Variants in RAD51C observed in about 807,000 individuals in gnomAD.
RAD51C encodes the protein RAD51 paralog C, also known as DNA repair protein RAD51 homolog 3.
Under a neutral mutation model 45.0 loss-of-function variants are expected in RAD51C, and 42 were observed. The observed-to-expected ratio is 0.93, with a 90% confidence interval of 0.73 to 1.21. RAD51C has a LOEUF of 1.21. Ranked by LOEUF, RAD51C falls within the 50% of genes most tolerant of loss-of-function variation. The pLI is 0.00. For missense variants in RAD51C, 474 were observed against 452.2 expected (o/e 1.05, Z -0.44); for synonymous variants, 172 against 159.8 (o/e 1.08, Z -0.58).
At chr17:58,699,385 T>C (rs1451639351) in intron 3 of RAD51C, among the ~76,000 whole-genome samples, 1 of 152,136 alleles carries the variant, frequency 6.6e-6, no homozygotes, top group Admixed American at 6.6e-5. Flanking sequence ...TTAAAAAAAA[T>C]GCTTTTCATA....
intron 5 of RAD51C, among the ~76,000 whole-genome samples, chr17:58,715,666 C>T (rs529716695): frequency 1.3e-5 from 2 of 152,034 alleles, no homozygotes; most frequent in South Asian, 4.2e-4. Context: ...ATTTTAGCAC[C>T]CATCAGTATC....
rs1416163194 is a variant in RAD51C at position 58,722,535 on chromosome 17, T to G, written c.905-1505T>G. ...TGTGTAGTGCAGCACTGGATAAACA[T>G]AACTCCTGTGTTCTAGACTCCAATC... On this transcript the variant is annotated intron_variant, in intron 6 of 8. Transcript: ENST00000337432. Among the ~76,000 whole-genome samples, 9 of 152,170 alleles carry G rather than the reference T, an allele frequency of 5.9e-5. No individual in the cohort carries two copies. In the East Asian group the frequency reaches 1.7e-3, roughly 29 times the overall value.
chr17:58,726,619 T>TGTGTATACGTATAGATGTATATAC (rs2049158483), intron 7 of RAD51C, among the ~76,000 whole-genome samples: 3 of 149,492 alleles, frequency 2.0e-5, no homozygotes, highest in Non-Finnish European at 4.5e-5. Flanking sequence ...TATGTATATA[T>TGTGTATACGTATAGATGTATATAC]GTGTATACGT....
Position 58,716,265 on chromosome 17 carries a change from G to C in RAD51C, c.838-4481G>C, listed in dbSNP as rs186521954. 6.4e-3 allele frequency among the ~76,000 whole-genome samples: 978 copies of C among 152,118 alleles called. 4 individuals are homozygous for C. The highest frequency in any genetic ancestry group is 9.4e-3 in the Non-Finnish European group (637 of 68,022). ...TCTAATTTTGGCATGTTGAATACCTGGTAAATCAGTAGTTTGATTTATATT... is the reference window on the plus strand; with the variant it reads ...TCTAATTTTGGCATGTTGAATACCTCGTAAATCAGTAGTTTGATTTATATT... On this transcript the variant is annotated intron_variant, in intron 5 of 8. Transcript: ENST00000337432.
At chr17:58,710,255 G>A (rs1396379191) in intron 5 of RAD51C, among the ~76,000 whole-genome samples, 1 of 149,712 alleles carries the variant, frequency 6.7e-6, no homozygotes, top group Admixed American at 6.7e-5. Flanking sequence ...GCCGAGGCAG[G>A]TGGATCATGA....
intron 3 of RAD51C, among the ~76,000 whole-genome samples, chr17:58,697,319 C>T (rs964935913): frequency 5.9e-5 from 9 of 151,956 alleles, no homozygotes; most frequent in African/African-American, 2.2e-4. Flanking sequence ...GGGTGGATCA[C>T]GAGGTCAGGA....
chr17:58,695,266 A>C, intron 2 of RAD51C, 77 bp downstream of exon 2: 1 of 1,512,786 alleles, frequency 6.6e-7, no homozygotes, highest in African/African-American at 1.4e-5. Flanking sequence ...TATCGTCAGG[A>C]AACCAAATAA....
rs1350245717 is a variant in RAD51C, at chr17:58,701,609, C to T, written c.572-1587C>T. Among the ~76,000 whole-genome samples, 6 of 150,568 alleles carry T rather than the reference C, an allele frequency of 4.0e-5. No homozygotes were observed. In the South Asian group the frequency reaches 6.4e-4, roughly 16 times the overall value. The stretch of plus-strand genomic sequence containing the variant: ...TTTCTGAGACAGAGTCTTGCTCTGT[C>T]GCCCAGGCTGGAGTGCAGTGGCGGG... On this transcript the variant is annotated intron_variant, in intron 3 of 8. Coordinates refer to ENST00000337432, the MANE Select transcript of RAD51C (RefSeq NM_058216.3).
intron 7 of RAD51C, among the ~76,000 whole-genome samples, chr17:58,731,125 G>A (rs1235616236): frequency 6.6e-6 from 1 of 152,102 alleles, no homozygotes; most frequent in African/African-American, 2.4e-5. Context: ...TCTTCCTTAA[G>A]TCTGCATATT....
intron 3 of RAD51C, among the ~76,000 whole-genome samples, chr17:58,701,044 G>A (rs940764450): frequency 1.3e-5 from 2 of 152,060 alleles, no homozygotes; most frequent in Non-Finnish European, 2.9e-5. Context: ...GCTACAGGTG[G>A]GCACTACCAT....
chr17:58,722,508 G>A (rs1410083225), intron 6 of RAD51C, among the ~76,000 whole-genome samples: 1 of 152,180 alleles, frequency 6.6e-6, no homozygotes, highest in Non-Finnish European at 1.5e-5. Flanking sequence ...TGACTGCCCT[G>A]TTGTGTAGTG....
chr17:58,696,739 G>C lies in RAD51C; in HGVS notation c.451G>C (p.Val151Leu), dbSNP rs753912045. ...GCAGATACCAGAATGTTTTGGAGGA[G>C]TGGCAGGTGAAGCAGTTTTTATTGA... is the stretch of plus-strand genomic sequence containing the variant. The part of the protein sequence containing the change: ...DVQIPECFGG[V>L]AGEAVFIDTE... Residue 151 changes from valine (V) to leucine (L), a missense_variant, in exon 3 of 9, where the codon GTG becomes CTG. Transcript: ENST00000337432. 1.2e-6 allele frequency: 2 copies of C among 1,614,096 alleles called. No individual in the cohort carries two copies. The highest frequency in any genetic ancestry group is 2.7e-5 in the African/African-American group (2 of 74,936).
rs1330937621 is a variant in RAD51C at position 58,696,853 on chromosome 17, G to C, written c.565G>C (p.Gly189Arg). ...TCAGCTTATAGCAGAAAAACACAAG[G>C]GAGAGGGTAAGTTAGTAAATGATCT... ...HLQLIAEKHK[G>R]EEHRKALEDF... The change falls in exon 3 of 9, where the codon GGA (glycine) becomes CGA (arginine). Residue 189 changes from glycine to arginine, a missense_variant. Gly to Arg is a moderately radical substitution (Grantham distance 125, BLOSUM62 -2). Transcript: ENST00000337432. 1 of 1,614,060 alleles carries C rather than the reference G, an allele frequency of 6.2e-7. No individual in the cohort carries two copies. Among genetic ancestry groups the C allele is most frequent in the Non-Finnish European group, 8.5e-7 (1 of 1,179,958 alleles).
At chr17:58,733,247 C>T (rs901568142) in intron 8 of RAD51C, among the ~76,000 whole-genome samples, 2 of 152,160 alleles carry the variant, frequency 1.3e-5, no homozygotes, top group Admixed American at 6.5e-5. Flanking sequence ...AACTCCTGAC[C>T]TCAAGTGATC....
At chr17:58,710,149 CAT>C (rs1467823026) in intron 5 of RAD51C, among the ~76,000 whole-genome samples, 159 bp downstream of exon 5, 1 of 151,792 alleles carries the variant, frequency 6.6e-6, no homozygotes, top group Admixed American at 6.6e-5. Context: ...AAATTCTGGT[CAT>C]AAGTGTCAGT....
rs375603530 is a variant in RAD51C, at chr17:58,692,615, C to T, written c.-29C>T. On this transcript the variant is annotated 5_prime_UTR_variant, in exon 1 of 9. Transcript: ENST00000337432. ...CCCAGCGAGGGCGTGCGGAGTTTGG[C>T]TGCTCCGGGGTTAGCAGGTGAGCCT... 2.8e-5 allele frequency: 45 copies of T among 1,613,014 alleles called. No individual in the cohort carries two copies. In the African/African-American group the frequency reaches 4.5e-4, roughly 16 times the overall value.
chr17:58,701,536 A>G (rs549834505), intron 3 of RAD51C, among the ~76,000 whole-genome samples: 1 of 150,932 alleles, frequency 6.6e-6, no homozygotes, highest in East Asian at 2.0e-4. Context: ...AAATGCAGTA[A>G]CTGATTGGTT....
At chr17:58,702,147 C>T (rs1311228082) in intron 3 of RAD51C, among the ~76,000 whole-genome samples, 1 of 151,864 alleles carries the variant, frequency 6.6e-6, no homozygotes, top group Non-Finnish European at 1.5e-5. Flanking sequence ...AGTTGCACAC[C>T]ATCACACCTG....
At chr17:58,712,473 T>C (rs2048592044) in intron 5 of RAD51C, among the ~76,000 whole-genome samples, 2 of 152,128 alleles carry the variant, frequency 1.3e-5, no homozygotes. Flanking sequence ...AATATTGTTG[T>C]CTGGTGTAAA....
Sources: allele counts gnomAD v4.1 joint callset (sites outside exome capture counted in the v4.1 genomes callset), GRCh38; gene constraint gnomAD v4.1.1; transcripts MANE v1.5; gene names NCBI Gene and HGNC (gene_info 2026-07-23, HGNC 2026-07-21).